The following SYNE1 variants were observed in gnomAD, a reference collection of about 807,000 sequenced individuals.
SYNE1 encodes spectrin repeat containing nuclear envelope protein 1, also known as nesprin-1.
A neutral mutation model predicts 1,111.0 loss-of-function variants in SYNE1; 616 were observed. The ratio of observed to expected loss-of-function variants is 0.55; its 90% CI spans 0.52 to 0.59. The LOEUF is 0.59. Among genes scored for constraint, SYNE1 ranks in the 20% least tolerant of loss-of-function variants. The pLI, the probability that SYNE1 is intolerant of heterozygous loss-of-function variation, is 0.00. For synonymous variants in SYNE1, 3,855 were observed against 3,825.8 expected (o/e 1.01, Z -0.28); for missense variants, 10,006 against 10,417.0 (o/e 0.96, Z 1.72).
At chr6:152,475,537 C>T (rs1457870339) in intron 14 of SYNE1, among the ~76,000 whole-genome samples, 4 of 152,134 alleles carry the variant, frequency 2.6e-5, no homozygotes, top group Non-Finnish European at 1.5e-5. Context: ...TAAGTTGAAT[C>T]ACTATAAGTT....
rs929852560 is a variant in SYNE1 at position 152,608,429 on chromosome 6, A to G, written c.67+19836T>C. ...ATAATTTTATATAAATTAAGCACAC[A>G]CAAAATATTAGTTATGCTTTTCAAC... is the stretch of plus-strand genomic sequence containing the variant. On this transcript the variant is annotated intron_variant, in intron 3 of 145. Coordinates refer to ENST00000367255, the MANE Select transcript of SYNE1 (RefSeq NM_182961.4). Among the ~76,000 whole-genome samples, 10 of 152,356 alleles carry G rather than the reference A, an allele frequency of 6.6e-5. No individual in the cohort carries two copies. The South Asian group carries it at 8.3e-4, about 13-fold the overall frequency.
Position 152,331,660 on chromosome 6 carries a change from T to C in SYNE1, c.13025A>G (p.Asn4342Ser), listed in dbSNP as rs1166425180. ...CTGCACCACATTTAACTCCTCCAAG[T>C]TGGTGACTGACACTTGGATTTTCCT... ...IKRKIQVSVT[N>S]LEELNVVQSR... Residue 4342 changes from asparagine to serine, a missense_variant, in exon 78 of 146, where the codon AAC becomes AGC. Asn to Ser is a conservative substitution (Grantham distance 46, BLOSUM62 1). Coordinates refer to ENST00000367255, the MANE Select transcript of SYNE1 (RefSeq NM_182961.4). 1 of 1,614,074 alleles carries C rather than the reference T, an allele frequency of 6.2e-7. No individual in the cohort carries two copies. Among genetic ancestry groups the C allele is most frequent in the Non-Finnish European group, 8.5e-7 (1 of 1,180,032 alleles).
chr6:152,362,142 C>T, intron 64 of SYNE1, 28 bp downstream of exon 64: 1 of 1,614,154 alleles, frequency 6.2e-7, no homozygotes, highest in African/African-American at 1.3e-5. Flanking sequence ...TGTGAGAAAA[C>T]ACATGGAATC....
At chr6:152,146,154 TTA>T (rs2059475646) in intron 137 of SYNE1, 1 of 155,676 alleles carries the variant, frequency 6.4e-6, no homozygotes, top group Non-Finnish European at 1.4e-5. Context: ...TATTCCCATT[TTA>T]TAGATGAGAA....
At chr6:152,440,074 G>A (rs148619408) in intron 32 of SYNE1, among the ~76,000 whole-genome samples, 34 of 152,096 alleles carry the variant, frequency 2.2e-4, no homozygotes, top group African/African-American at 7.7e-4. Context: ...CAACATTTTC[G>A]TCACTCACTC....
intron 95 of SYNE1, among the ~76,000 whole-genome samples, chr6:152,290,073 A>G (rs1000163908): frequency 6.6e-6 from 1 of 152,106 alleles, no homozygotes. Context: ...GTTGTTACAT[A>G]TATGAAAAAA....
intron 63 of SYNE1, among the ~76,000 whole-genome samples, chr6:152,363,371 G>C (rs1395292794): frequency 6.7e-6 from 1 of 149,964 alleles, no homozygotes; most frequent in Non-Finnish European, 1.5e-5. Flanking sequence ...GCGGGCGCCT[G>C]TAGTACCAGC....
intron 131 of SYNE1, among the ~76,000 whole-genome samples, chr6:152,156,928 A>G (rs1349936653): frequency 6.6e-6 from 1 of 152,070 alleles, no homozygotes; most frequent in Non-Finnish European, 1.5e-5. Context: ...CCCGAGTTCA[A>G]GTGATTTTCC....
At chr6:152,555,807 A>G (rs796910979) in intron 3 of SYNE1, among the ~76,000 whole-genome samples, 57 of 152,330 alleles carry the variant, frequency 3.7e-4, no homozygotes, top group African/African-American at 1.3e-3. Context: ...TATATTTTAT[A>G]TAAAACTTTA....
Position 152,294,078 on chromosome 6 carries a change from G to C in SYNE1, c.17732C>G (p.Ala5911Gly), listed in dbSNP as rs781250840. The change falls in exon 94 of 146, where the codon GCT becomes GGT. Residue 5911 changes from alanine to glycine, a missense_variant. Ala to Gly is a moderately conservative substitution (Grantham distance 60). Around this residue, in one of 7 missense-constraint regions of SYNE1, gnomAD observed 4,955 missense variants for 5,017.2 expected, o/e 0.99. Coordinates refer to ENST00000367255, the MANE Select transcript of SYNE1 (RefSeq NM_182961.4). ...ALSAERLQTD[A>G]AKIHPSTSAS... ...GGATGTGCTGGGGTGAATTTTTGCAGCATCTGTCTGCAACCTCTCAGCAGA... is the reference window on the plus strand; with the variant it reads ...GGATGTGCTGGGGTGAATTTTTGCACCATCTGTCTGCAACCTCTCAGCAGA... 1.9e-6 allele frequency: 3 copies of C among 1,613,884 alleles called. No homozygotes were observed. Among genetic ancestry groups the C allele is most frequent in the South Asian group, 1.1e-5 (1 of 91,072 alleles).
At chr6:152,141,655 A>G (rs1201957003) in intron 138 of SYNE1, among the ~76,000 whole-genome samples, 1 of 152,074 alleles carries the variant, frequency 6.6e-6, no homozygotes, top group East Asian at 1.9e-4. Flanking sequence ...GCTACCTGGG[A>G]GGCTGAGGTG....
rs1340093117 is a variant in SYNE1 at position 152,466,090 on chromosome 6, G to A, written c.1633-12C>T. The A allele has an allele frequency of 2.0e-6, 3 of 1,533,610 alleles. No individual in the cohort carries two copies. Among genetic ancestry groups the A allele is most frequent in the East Asian group, 2.3e-5 (1 of 44,438 alleles). ...TTTTCTATAAAAGACTAGAAAAGGA[G>A]GAATGGTTAGAAGATAGCAAACATT... On this transcript the variant is annotated splice_polypyrimidine_tract_variant and intron_variant, in intron 16 of 145. Transcript: ENST00000367255.
chr6:152,458,839 T>A lies in SYNE1; in HGVS notation c.2486A>T (p.Asp829Val), dbSNP rs1200577596. 6.2e-7 allele frequency: 1 copy of A among 1,613,852 alleles called. No homozygotes were observed. The highest frequency in any genetic ancestry group is 8.5e-7 in the Non-Finnish European group (1 of 1,179,966). Residue 829 changes from aspartate (D) to valine (V), a missense_variant, in exon 22 of 146, where the codon GAC (aspartate) becomes GTC (valine). Asp to Val is a radical substitution (Grantham distance 152). Transcript: ENST00000367255. ...AATTTCATTGATTTTCCCAAGTGAGTCATAAAAGGACGTCATCTGCTTTTC... is the reference window on the plus strand; with the variant it reads ...AATTTCATTGATTTTCCCAAGTGAGACATAAAAGGACGTCATCTGCTTTTC... ...ELEKQMTSFYDSLGKINEIIT... is the reference protein window; with the variant it reads ...ELEKQMTSFYVSLGKINEIIT...
chr6:152,478,978 C>T (rs997978487), intron 14 of SYNE1, among the ~76,000 whole-genome samples: 31 of 152,068 alleles, frequency 2.0e-4, no homozygotes, highest in African/African-American at 6.0e-4. Context: ...TGCATTTAAG[C>T]AGAGCACAAA....
intron 127 of SYNE1, among the ~76,000 whole-genome samples, chr6:152,191,174 A>C (rs1305418769): frequency 6.6e-6 from 1 of 151,228 alleles, no homozygotes; most frequent in East Asian, 1.9e-4. Flanking sequence ...TCAGTTTGCT[A>C]TTATTTTAAT....
In SYNE1 at chr6:152,381,129, C is replaced by A; in HGVS notation, c.8886G>T (p.Val2962=). 1 of 1,614,178 alleles carries A rather than the reference C, an allele frequency of 6.2e-7. No individual in the cohort carries two copies. The highest frequency in any genetic ancestry group is 8.5e-7 in the Non-Finnish European group (1 of 1,180,026). Residue 2962 remains valine, a synonymous_variant, in exon 56 of 146, where the codon GTG becomes GTT. Transcript: ENST00000367255. Reference sequence around the variant, plus strand: ...GTTCCAGGGCCTGCTCCAGTTGAGCCACTTGGCCTGAGAATTCCTGCTCCG... The same window carrying A: ...GTTCCAGGGCCTGCTCCAGTTGAGCAACTTGGCCTGAGAATTCCTGCTCCG... The part of the protein sequence containing the change: ...ALSEQEFSGQ[V]AQLEQALEQF...
intron 74 of SYNE1, among the ~76,000 whole-genome samples, chr6:152,342,226 A>G (rs946858951): frequency 3.3e-5 from 5 of 152,228 alleles, no homozygotes; most frequent in African/African-American, 1.2e-4. Context: ...CTAGCAAAAC[A>G]TCACTGCCAT....
intron 123 of SYNE1, among the ~76,000 whole-genome samples, chr6:152,211,877 A>C (rs1399769669): frequency 6.6e-6 from 1 of 152,134 alleles, no homozygotes; most frequent in Admixed American, 6.5e-5. Context: ...AAGTTAATGC[A>C]CAATTTGTTT....
At chr6:152,238,919 A>G (rs1262638645) in intron 108 of SYNE1, among the ~76,000 whole-genome samples, 1 of 149,448 alleles carries the variant, frequency 6.7e-6, no homozygotes, top group Non-Finnish European at 1.5e-5. Flanking sequence ...TTTTTTTGAG[A>G]CAGAGTTTTA....
Sources: gnomAD v4.1 joint callset for allele counts (sites outside exome capture counted in the v4.1 genomes callset) on GRCh38, gnomAD v4.1.1 for gene constraint, gnomAD v4.1.1 regional missense constraint, MANE v1.5 for transcripts, NCBI Gene and HGNC (gene_info 2026-07-23, HGNC 2026-07-21) for gene names.